Variants in PDE7B observed in about 807,000 individuals in gnomAD.
PDE7B encodes the protein 3',5'-cyclic-AMP phosphodiesterase 7B.
In PDE7B, 29 loss-of-function variants were observed where a neutral mutation model predicts 56.2. That is an observed-to-expected ratio of 0.52 (90% CI 0.38 to 0.70). The LOEUF (loss-of-function observed/expected upper bound fraction) is 0.70. Ranked by LOEUF, PDE7B falls within the 30% of genes least tolerant of loss-of-function variation. The pLI is 0.00. For synonymous variants in PDE7B, 197 were observed against 196.9 expected (o/e 1.00, Z 0.00); for missense variants, 490 against 565.0 (o/e 0.87, Z 1.35).
At chr6:136,144,800 G>C (rs1166971549) in intron 3 of PDE7B, among the ~76,000 whole-genome samples, 1 of 152,038 alleles carries the variant, frequency 6.6e-6, no homozygotes, top group Non-Finnish European at 1.5e-5. Context: ...CTCTTTATTA[G>C]AATCAGATGT....
At chr6:135,939,141 T>G (rs1192853693) in intron 1 of PDE7B, among the ~76,000 whole-genome samples, 1 of 152,216 alleles carries the variant, frequency 6.6e-6, no homozygotes, top group Non-Finnish European at 1.5e-5. Context: ...ATCTTTCAAG[T>G]CACTCCTAAC....
At chr6:136,034,901 C>T (rs1661573598) in intron 2 of PDE7B, 2 of 152,364 alleles carry the variant, frequency 1.3e-5, no homozygotes, top group Admixed American at 6.5e-5. Context: ...CCATCACACC[C>T]TCAACAAGTA....
At chr6:136,188,439 T>G (rs991413143) in intron 12 of PDE7B, among the ~76,000 whole-genome samples, 1 of 152,166 alleles carries the variant, frequency 6.6e-6, no homozygotes, top group Non-Finnish European at 1.5e-5. Flanking sequence ...AAATGCAGCC[T>G]CAGCCTCCTG....
chr6:136,068,437 T>C, intron 2 of PDE7B, among the ~76,000 whole-genome samples: 1 of 142,556 alleles, frequency 7.0e-6, no homozygotes, highest in South Asian at 2.4e-4. Context: ...TTTTTTTTTT[T>C]TTTTTTTTTT....
intron 3 of PDE7B, among the ~76,000 whole-genome samples, chr6:136,113,568 G>A (rs1034365232): frequency 6.6e-6 from 1 of 152,190 alleles, no homozygotes; most frequent in African/African-American, 2.4e-5. Flanking sequence ...TAAGCATAGA[G>A]AGCCAGAACA....
chr6:135,893,238 GC>G (rs1775840370), intron 1 of PDE7B, among the ~76,000 whole-genome samples: 1 of 117,384 alleles, frequency 8.5e-6, no homozygotes, highest in Non-Finnish European at 1.6e-5. Flanking sequence ...CCCACAACAG[GC>G]CCCAGTGTGT....
chr6:135,978,901 C>T (rs1357276779), intron 2 of PDE7B, among the ~76,000 whole-genome samples: 1 of 151,918 alleles, frequency 6.6e-6, no homozygotes, highest in Non-Finnish European at 1.5e-5. Flanking sequence ...CTGGCCAGAA[C>T]TTCCAACACT....
chr6:136,052,612 G>T (rs1409015419), intron 2 of PDE7B, among the ~76,000 whole-genome samples: 1 of 116,854 alleles, frequency 8.6e-6, no homozygotes, highest in South Asian at 2.9e-4. Flanking sequence ...TAAAGTTAGG[G>T]TACAGCCCCC....
intron 1 of PDE7B, among the ~76,000 whole-genome samples, chr6:135,928,465 T>TTTATATATATATATTTATTTATATATA: frequency 1.3e-5 from 1 of 75,572 alleles, no homozygotes; most frequent in African/African-American, 5.4e-5. Context: ...ATATATATAT[T>TTTATATATATATATTTATTTATATATA]TATTTATATA....
At chr6:136,055,176 G>A (rs991430725) in intron 2 of PDE7B, among the ~76,000 whole-genome samples, 4 of 152,166 alleles carry the variant, frequency 2.6e-5, no homozygotes, top group African/African-American at 9.7e-5. Context: ...AGGGAGCACT[G>A]CTTCTTAATT....
In PDE7B at chr6:136,155,557, T is replaced by TTAGCCAAAATGATTATGAGCCTATTTG. The variant is rs1778589325; in HGVS notation, c.580-68_580-42dup. ...GCCATGATGATTCATTGTGTTTGAT[T>TTAGCCAAAATGATTATGAGCCTATTTG]TAGCCAAAATGATTATGAGCCTATT... is the stretch of plus-strand genomic sequence containing the variant. On this transcript the variant is annotated intron_variant, in intron 7 of 12. Transcript: ENST00000308191. 3 of 1,363,584 alleles carry TTAGCCAAAATGATTATGAGCCTATTTG rather than the reference T, an allele frequency of 2.2e-6. No homozygotes were observed. In the African/African-American group the frequency reaches 4.3e-5, roughly 20 times the overall value. The allele number at this position is 1,363,584 out of a possible 1,614,324, so 84.5% of individuals were successfully genotyped here. A position where few individuals can be genotyped will look rare whatever the true frequency, so the allele number is the denominator to read the frequency against.
At chr6:136,091,832 G>A (rs1478383979) in intron 2 of PDE7B, among the ~76,000 whole-genome samples, 2 of 152,022 alleles carry the variant, frequency 1.3e-5, no homozygotes, top group Non-Finnish European at 2.9e-5. Context: ...TTTTTAATGT[G>A]TGGGAGCCAT....
rs1776082266 is a variant in PDE7B at position 135,905,435 on chromosome 6, GA to G, written c.22-42026del. On this transcript the variant is annotated intron_variant, in intron 1 of 12. Coordinates refer to ENST00000308191, the MANE Select transcript of PDE7B (RefSeq NM_018945.4). ...TGAGCAGGAGGGAAGTGACAAAAGAGAAACACTAACCAGATTCCAAAGTCTT... is the reference window on the plus strand; with the variant it reads ...TGAGCAGGAGGGAAGTGACAAAAGAGAACACTAACCAGATTCCAAAGTCTT... Among the ~76,000 whole-genome samples, 4 of 151,954 alleles carry G rather than the reference GA, an allele frequency of 2.6e-5. No individual in the cohort carries two copies. In the Middle Eastern group the frequency reaches 0.014, roughly 517 times the overall value.
intron 2 of PDE7B, among the ~76,000 whole-genome samples, chr6:135,967,698 A>C (rs1468474179): frequency 6.6e-6 from 1 of 152,202 alleles, no homozygotes; most frequent in Non-Finnish European, 1.5e-5. Flanking sequence ...GGGATGCTTA[A>C]TTTTGTAGGA....
intron 3 of PDE7B, among the ~76,000 whole-genome samples, chr6:136,109,850 C>T (rs1298897793): frequency 6.6e-6 from 1 of 152,190 alleles, no homozygotes; most frequent in African/African-American, 2.4e-5. Flanking sequence ...TCACAATTTG[C>T]TCCAAGGTTT....
intron 4 of PDE7B, 143 bp from the exon 5 acceptor site, chr6:136,148,943 AC>A: frequency 1.6e-6 from 1 of 632,560 alleles, no homozygotes; most frequent in African/African-American, 1.8e-5. Context: ...TTATTGTAGG[AC>A]ATAGGGAAAC....
At chr6:136,161,331 T>A (rs1450609188) in intron 8 of PDE7B, among the ~76,000 whole-genome samples, 3 of 152,182 alleles carry the variant, frequency 2.0e-5, no homozygotes, top group Non-Finnish European at 4.4e-5. Flanking sequence ...CCCAGACAGA[T>A]AGTACATTTT....
intron 1 of PDE7B, among the ~76,000 whole-genome samples, chr6:135,920,528 G>T (rs1485824801): frequency 6.6e-6 from 1 of 152,048 alleles, no homozygotes; most frequent in African/African-American, 2.4e-5. Flanking sequence ...AGTCTCTCTG[G>T]ACTATTTTTG....
At chr6:135,964,306 T>C (rs530173437) in intron 2 of PDE7B, among the ~76,000 whole-genome samples, 7 of 152,136 alleles carry the variant, frequency 4.6e-5, no homozygotes, top group Non-Finnish European at 8.8e-5. Context: ...CGTTTCACCA[T>C]ATTGGCCAGG....
Sources: gnomAD v4.1 joint callset for allele counts (sites outside exome capture counted in the v4.1 genomes callset) on GRCh38, gnomAD v4.1.1 for gene constraint, MANE v1.5 for transcripts, NCBI Gene and HGNC (gene_info 2026-07-23, HGNC 2026-07-21) for gene names.